ZNF385D: variants seen among roughly 807,000 people sequenced by gnomAD.
The protein encoded by ZNF385D is zinc finger protein 385D, also known as zinc finger protein 659.
ZNF385D carries 15 observed loss-of-function variants against 35.8 expected under a neutral mutation model. The observed-to-expected ratio is 0.42, with a 90% confidence interval of 0.28 to 0.64. The LOEUF is 0.64. Ranked by LOEUF, ZNF385D falls within the 30% of genes least tolerant of loss-of-function variation. The pLI is 0.23. For synonymous variants in ZNF385D, 212 were observed against 186.8 expected, an observed-to-expected ratio of 1.13 and a Z score of -1.10; for missense variants, 474 against 494.6, an observed-to-expected ratio of 0.96 and a Z score of 0.39.
intron 3 of ZNF385D, among the ~76,000 whole-genome samples, chr3:21,846,629 G>A (rs1386022): frequency 0.038 from 5,846 of 152,026 alleles, 392 homozygotes; most frequent in African/African-American, 0.13. Context: ...GTACTACTGC[G>A]GTGGAGGGGC....
intron 3 of ZNF385D, among the ~76,000 whole-genome samples, chr3:21,913,079 T>G (rs930709473): frequency 6.6e-6 from 1 of 152,080 alleles, no homozygotes; most frequent in Non-Finnish European, 1.5e-5. Context: ...GGAAAATTAT[T>G]CTGAAGAGTG....
intron 3 of ZNF385D, among the ~76,000 whole-genome samples, chr3:21,982,568 C>A (rs182880389): frequency 1.3e-5 from 2 of 152,056 alleles, no homozygotes; most frequent in Admixed American, 6.6e-5. Flanking sequence ...ATTTGGAAGC[C>A]CTTTATTCCT....
chr3:22,081,158 A>G (rs1285678269), intron 3 of ZNF385D, among the ~76,000 whole-genome samples: 1 of 152,196 alleles, frequency 6.6e-6, no homozygotes, highest in African/African-American at 2.4e-5. Context: ...AATGTAATAA[A>G]TGTTCAATCT....
At chr3:22,187,766 G>A (rs1005369590) in intron 2 of ZNF385D, among the ~76,000 whole-genome samples, 4 of 152,076 alleles carry the variant, frequency 2.6e-5, no homozygotes, top group African/African-American at 4.8e-5. Context: ...GTGTAGAGTC[G>A]TATGTTTATT....
intron 3 of ZNF385D, among the ~76,000 whole-genome samples, chr3:22,119,389 A>G (rs1324659834): frequency 6.6e-6 from 1 of 152,224 alleles, no homozygotes; most frequent in African/African-American, 2.4e-5. Context: ...AGACTAATTT[A>G]CTACTATTTT....
intron 3 of ZNF385D, among the ~76,000 whole-genome samples, chr3:21,768,059 G>A (rs1223540895): frequency 6.6e-6 from 1 of 151,954 alleles, no homozygotes; most frequent in Non-Finnish European, 1.5e-5. Context: ...GTACATTTCT[G>A]GCCTTGTTGT....
chr3:21,830,539 T>A (rs866337489), intron 3 of ZNF385D, among the ~76,000 whole-genome samples: 4 of 152,210 alleles, frequency 2.6e-5, no homozygotes, highest in Admixed American at 1.3e-4. Flanking sequence ...ATTGATTCTG[T>A]AGCCAGGACT....
intron 2 of ZNF385D, among the ~76,000 whole-genome samples, chr3:22,253,260 T>C (rs1470518055): frequency 1.3e-5 from 2 of 151,760 alleles, no homozygotes; most frequent in African/African-American, 4.8e-5. Flanking sequence ...ATTTTAATGG[T>C]AGGATGGGAA....
At chr3:21,499,222 A>C (rs1441558821) in intron 4 of ZNF385D, among the ~76,000 whole-genome samples, 1 of 152,160 alleles carries the variant, frequency 6.6e-6, no homozygotes, top group Non-Finnish European at 1.5e-5. Flanking sequence ...AAGACATGGA[A>C]TCAACCTAAT....
intron 3 of ZNF385D, among the ~76,000 whole-genome samples, chr3:21,790,641 G>A (rs2071889955): frequency 6.6e-6 from 1 of 152,178 alleles, no homozygotes; most frequent in South Asian, 2.1e-4. Context: ...TATTACATTT[G>A]CAGATGGACT....
chr3:21,855,276 T>A (rs3914313), intron 3 of ZNF385D, among the ~76,000 whole-genome samples: 5,823 of 152,026 alleles, frequency 0.038, 390 homozygotes, highest in African/African-American at 0.13. Flanking sequence ...ATAAAAAAAA[T>A]TTTACTCTTC....
Position 21,425,525 on chromosome 3 carries a change from A to C in ZNF385D, c.819T>G (p.Asp273Glu), listed in dbSNP as rs776576227. Reference protein sequence around the residue: ...QNKTFHCEICDVHVNSETQLK... With the variant: ...QNKTFHCEICEVHVNSETQLK... ...GTTGCGTTTCCGAGTTGACGTGCAC[A>C]TCACAGATTTCACAGTGAAATGTTT... is the stretch of plus-strand genomic sequence containing the variant. Residue 273 changes from aspartate to glutamate, a missense_variant, in exon 6 of 8, where the codon GAT becomes GAG. Coordinates refer to ENST00000281523, the MANE Select transcript of ZNF385D (RefSeq NM_024697.3). 6.8e-6 allele frequency: 11 copies of C among 1,610,614 alleles called. No individual in the cohort carries two copies.
At chr3:21,981,324 T>C (rs9879526) in intron 3 of ZNF385D, among the ~76,000 whole-genome samples, 27,917 of 152,154 alleles carry the variant, frequency 0.18, 6,633 homozygotes, top group African/African-American at 0.56. Flanking sequence ...ATCAGTGATA[T>C]AGAGATTTTT....
At chr3:21,966,194 T>C (rs564015118) in intron 3 of ZNF385D, among the ~76,000 whole-genome samples, 3 of 152,306 alleles carry the variant, frequency 2.0e-5, no homozygotes, top group African/African-American at 7.2e-5. Flanking sequence ...CAATAATTTA[T>C]AGTATAGGAC....
At chr3:22,004,764 A>C (rs777789079) in intron 3 of ZNF385D, among the ~76,000 whole-genome samples, 3 of 152,180 alleles carry the variant, frequency 2.0e-5, no homozygotes, top group Non-Finnish European at 4.4e-5. Flanking sequence ...AAAAGAATGC[A>C]ACCTTTTGTC....
intron 3 of ZNF385D, among the ~76,000 whole-genome samples, chr3:22,099,949 A>G (rs1000052617): frequency 1.3e-5 from 2 of 152,124 alleles, no homozygotes; most frequent in Non-Finnish European, 1.5e-5. Flanking sequence ...TTCTTGAGAT[A>G]TTTTAAAAAA....
Position 21,421,316 on chromosome 3 carries a change from T to C in ZNF385D, c.1086A>G (p.Ala362=), listed in dbSNP as rs1352216788. 3 of 1,613,956 alleles carry C rather than the reference T, an allele frequency of 1.9e-6. No homozygotes were observed. The highest frequency in any genetic ancestry group is 2.5e-6 in the Non-Finnish European group (3 of 1,179,960). The change falls in exon 8 of 8, where the codon GCA becomes GCG. Residue 362 remains alanine, a synonymous_variant. Transcript: ENST00000281523. ...GCGCGGAAGTCTGGAACAGTGTTGCTGCTGGAGCAGTTCGAAGACTGAAGG... is the reference window on the plus strand; with the variant it reads ...GCGCGGAAGTCTGGAACAGTGTTGCCGCTGGAGCAGTTCGAAGACTGAAGG... ...SSPFSLRTAP[A]ATLFQTSALP... is the part of the protein sequence containing the mutation.
intron 3 of ZNF385D, among the ~76,000 whole-genome samples, chr3:22,159,438 C>T (rs1576420945): frequency 6.6e-6 from 1 of 151,994 alleles, no homozygotes; most frequent in East Asian, 1.9e-4. Context: ...GGATTCCAGA[C>T]AGGAGTCGGT....
At chr3:21,975,678 T>C (rs1253839062) in intron 3 of ZNF385D, among the ~76,000 whole-genome samples, 2 of 148,102 alleles carry the variant, frequency 1.4e-5, no homozygotes, top group Admixed American at 7.1e-5. Flanking sequence ...CCCACAAAAA[T>C]ATATACCTAT....
Sources: gnomAD v4.1 joint callset for allele counts (sites outside exome capture counted in the v4.1 genomes callset) on GRCh38, gnomAD v4.1.1 for gene constraint, MANE v1.5 for transcripts, NCBI Gene and HGNC (gene_info 2026-07-23, HGNC 2026-07-21) for gene names.